Variants in REV3L observed in about 807,000 individuals in gnomAD.
The protein encoded by REV3L is REV3 like, DNA directed polymerase zeta catalytic subunit.
REV3L carries 69 observed loss-of-function variants against 299.4 expected under a neutral mutation model. The ratio of observed to expected loss-of-function variants is 0.23; its 90% confidence interval spans 0.19 to 0.28. The LOEUF (loss-of-function observed/expected upper bound fraction) is 0.28, where lower values mean the gene tolerates loss of function less well. REV3L is among the 10% of genes least tolerant of loss of function. The pLI, the probability that REV3L is intolerant of heterozygous loss-of-function variation, is 1.00. For missense variants in REV3L, 3,128 were observed against 3,693.8 expected (o/e 0.85, Z 3.97); for synonymous variants, 1,238 against 1,271.4 (o/e 0.97, Z 0.56).
chr6:111,479,209 A>G (rs1793312188), intron 1 of REV3L, among the ~76,000 whole-genome samples: 1 of 152,204 alleles, frequency 6.6e-6, no homozygotes, highest in Non-Finnish European at 1.5e-5. Flanking sequence ...ATTGTCCTAT[A>G]CTTTATTCAC....
At chr6:111,406,235 A>C (rs1313195846) in intron 3 of REV3L, among the ~76,000 whole-genome samples, 1 of 152,184 alleles carries the variant, frequency 6.6e-6, no homozygotes, top group East Asian at 1.9e-4. Context: ...TTTTCTCTGA[A>C]GAGAGGGAAG....
At chr6:111,321,051 C>G (rs1056832471) in intron 26 of REV3L, among the ~76,000 whole-genome samples, 1 of 152,138 alleles carries the variant, frequency 6.6e-6, no homozygotes, top group African/African-American at 2.4e-5. Flanking sequence ...ACTATAAAAT[C>G]TGATGTAGAG....
In REV3L at chr6:111,369,109, A is replaced by T. The variant is rs191305165; in HGVS notation, c.5760-1081T>A. Among the ~76,000 whole-genome samples, 301 of 152,134 alleles carry T rather than the reference A, an allele frequency of 2.0e-3. 1 individual carries two copies. The highest frequency in any genetic ancestry group is 6.9e-3 in the African/African-American group (285 of 41,506). On this transcript the variant is annotated intron_variant, in intron 13 of 31. Transcript: ENST00000368802. ...ATGAATACACATACCAAGTGACCAT[A>T]CCCAACTCTAATACTAAGGATAGAG...
chr6:111,332,317 C>T (rs543405726), intron 23 of REV3L, among the ~76,000 whole-genome samples: 18 of 152,104 alleles, frequency 1.2e-4, no homozygotes, highest in Admixed American at 3.9e-4. Flanking sequence ...ATGATCTGCC[C>T]GCCTTGGCCT....
At chr6:111,456,953 T>G (rs961147025) in intron 1 of REV3L, among the ~76,000 whole-genome samples, 1 of 152,158 alleles carries the variant, frequency 6.6e-6, no homozygotes, top group African/African-American at 2.4e-5. Flanking sequence ...ATCTCCACAC[T>G]TTGATATTTC....
Position 111,373,569 on chromosome 6 carries a change from G to C in REV3L, c.4786C>G (p.Pro1596Ala). ...PRSTKQKEKI[P>A]KLLKVDSLNL... ...AAAGAGTCTACTTTGAGAAGTTTGG[G>C]GATTTTTTCTTTTTGTTTTGTACTT... Residue 1596 changes from proline (P) to alanine (A), a missense_variant, in exon 13 of 32, where the codon CCC becomes GCC. Physicochemically the swap from Pro to Ala is conservative, Grantham distance 27. Around this residue, in one of 9 missense-constraint regions of REV3L, gnomAD observed 2,409 missense variants for 2,611.8 expected, o/e 0.92. Transcript: ENST00000368802. 1 of 1,613,878 alleles carries C rather than the reference G, an allele frequency of 6.2e-7. No individual in the cohort carries two copies. Among genetic ancestry groups the C allele is most frequent in the South Asian group, 1.1e-5 (1 of 91,060 alleles).
intron 1 of REV3L, among the ~76,000 whole-genome samples, chr6:111,468,211 T>C (rs1791738003): frequency 6.6e-6 from 1 of 152,194 alleles, no homozygotes; most frequent in African/African-American, 2.4e-5. Context: ...AATGCCAGGA[T>C]CTTTTCCTTC....
In REV3L at chr6:111,388,090, G is replaced by C. The variant is rs200605940; in HGVS notation, c.863-5C>G. 1.3e-6 allele frequency: 2 copies of C among 1,592,074 alleles called. No individual in the cohort carries two copies. Among genetic ancestry groups the C allele is most frequent in the Non-Finnish European group, 1.7e-6 (2 of 1,167,410 alleles). ...TTGCTGGCACAAACCTGTGATCTTT[G>C]AATTTTAAAAGTGCATTAAAAAATG... On this transcript the variant is annotated splice_region_variant and splice_polypyrimidine_tract_variant and intron_variant, in intron 7 of 31. Transcript: ENST00000368802.
intron 22 of REV3L, among the ~76,000 whole-genome samples, chr6:111,334,480 T>C (rs1230674453): frequency 6.6e-6 from 1 of 151,792 alleles, no homozygotes; most frequent in Non-Finnish European, 1.5e-5. Flanking sequence ...GTGGAAATAA[T>C]TAAAAAATAA....
intron 4 of REV3L, among the ~76,000 whole-genome samples, chr6:111,402,129 A>AAAAAT (rs1783150501): frequency 6.6e-6 from 1 of 152,052 alleles, no homozygotes; most frequent in African/African-American, 2.4e-5. Flanking sequence ...AAAAATAATA[A>AAAAAT]AAAATAAAAA....
intron 1 of REV3L, among the ~76,000 whole-genome samples, chr6:111,480,527 T>C (rs1405663710): frequency 1.3e-5 from 2 of 152,166 alleles, no homozygotes; most frequent in Non-Finnish European, 2.9e-5. Context: ...TTAATCTCAC[T>C]GGGAGTTTCT....
intron 1 of REV3L, among the ~76,000 whole-genome samples, chr6:111,438,309 A>C (rs1787837939): frequency 6.6e-6 from 1 of 152,146 alleles, no homozygotes; most frequent in Admixed American, 6.5e-5. Context: ...ATAGGAATAA[A>C]TTATGAATAT....
intron 26 of REV3L, among the ~76,000 whole-genome samples, chr6:111,316,734 A>G (rs1486332345): frequency 6.6e-6 from 1 of 152,194 alleles, no homozygotes; most frequent in Non-Finnish European, 1.5e-5. Flanking sequence ...AAATAGTTAG[A>G]AAACATAAAA....
intron 1 of REV3L, among the ~76,000 whole-genome samples, chr6:111,452,550 A>G (rs533169514): frequency 6.5e-4 from 99 of 152,318 alleles, no homozygotes; most frequent in African/African-American, 2.3e-3. Flanking sequence ...ACTACGTAAC[A>G]CATGGTTCCA....
intron 26 of REV3L, among the ~76,000 whole-genome samples, chr6:111,318,533 ATT>A (rs1562113698): frequency 6.6e-6 from 1 of 152,184 alleles, no homozygotes; most frequent in Non-Finnish European, 1.5e-5. Context: ...ATGAAAGATT[ATT>A]CTTAAAATGT....
At chr6:111,325,510 C>T (rs958976634) in intron 25 of REV3L, among the ~76,000 whole-genome samples, 2 of 152,160 alleles carry the variant, frequency 1.3e-5, no homozygotes, top group African/African-American at 4.8e-5. Flanking sequence ...CCATATTCTC[C>T]TTATATGCTT....
At chr6:111,306,505 C>T (rs1291094918) in intron 31 of REV3L, among the ~76,000 whole-genome samples, 3 of 152,156 alleles carry the variant, frequency 2.0e-5, no homozygotes, top group African/African-American at 7.2e-5. Context: ...AGATTTCATT[C>T]TTCAACTTAC....
chr6:111,459,712 T>G (rs534912962), intron 1 of REV3L, among the ~76,000 whole-genome samples: 1 of 151,968 alleles, frequency 6.6e-6, no homozygotes, highest in Non-Finnish European at 1.5e-5. Context: ...AAAATCACAA[T>G]TGAAATACCA....
In REV3L at chr6:111,380,014, G is replaced by T. The variant is rs764836442; in HGVS notation, c.1422C>A (p.Asp474Glu). 6.2e-7 allele frequency: 1 copy of T among 1,613,404 alleles called. No homozygotes were observed. Among genetic ancestry groups the T allele is most frequent in the South Asian group, 1.1e-5 (1 of 91,038 alleles). The change falls in exon 11 of 32, where the codon GAC becomes GAA. Residue 474 changes from aspartate to glutamate, a missense_variant. Physicochemically the swap from Asp to Glu is conservative, Grantham distance 45 (BLOSUM62 2). Coordinates refer to ENST00000368802, the MANE Select transcript of REV3L (RefSeq NM_001372078.1). ...TGGCACAATGTTCTTCAATATTGCT[G>T]TCCCATCTCTGGGACATCACCAAAC... is the stretch of plus-strand genomic sequence containing the variant. ...ELSLVMSQRW[D>E]SNIEEHCAKK...
Sources: gnomAD v4.1 joint callset for allele counts (sites outside exome capture counted in the v4.1 genomes callset) on GRCh38, gnomAD v4.1.1 for gene constraint, gnomAD v4.1.1 regional missense constraint, MANE v1.5 for transcripts, NCBI Gene and HGNC (gene_info 2026-07-23, HGNC 2026-07-21) for gene names.